Variants in SIT1 observed in about 807,000 individuals in gnomAD.
SIT1 encodes the protein signaling threshold regulating transmembrane adaptor 1.
A neutral mutation model predicts 23.5 loss-of-function variants in SIT1; 19 were observed. The observed-to-expected ratio is 0.81, with a 90% CI of 0.56 to 1.19. The LOEUF is 1.19. SIT1 is among the 50% of genes most tolerant of loss of function. The probability of loss-of-function intolerance (pLI) is 0.00; values close to 1 mark genes in which losing one functional copy is unlikely to be tolerated. For missense variants in SIT1, 213 were observed against 254.9 expected, an observed-to-expected ratio of 0.84 and a Z score of 1.12; for synonymous variants, 114 against 109.1, an observed-to-expected ratio of 1.04 and a Z score of -0.28.
Position 35,650,795 on chromosome 9 carries a change from G to C in SIT1, c.59C>G (p.Ala20Gly). 1 of 1,613,730 alleles carries C rather than the reference G, an allele frequency of 6.2e-7. No homozygotes were observed. Among genetic ancestry groups the C allele is most frequent in the Non-Finnish European group, 8.5e-7 (1 of 1,179,860 alleles). ...CGTGCAGTTGTCGCCTCTGCTCATG[G>C]CTGCAGATGTGAGAGTCCACAAGCA... ...AVCLWTLTSA[A>G]MSRGDNCTDL... The change falls in exon 1 of 5, where the codon GCC (alanine) becomes GGC (glycine). Residue 20 changes from alanine to glycine, a missense_variant. Transcript: ENST00000259608. This position sits in a 1 kb window ranked among gnomAD's most constrained non-coding sequence, Gnocchi z 4.8.
rs984029400 is a variant in SIT1, at chr9:35,650,659, G to A, written c.101-22C>T. On this transcript the variant is annotated intron_variant, in intron 1 of 4. Coordinates refer to ENST00000259608, the MANE Select transcript of SIT1 (RefSeq NM_014450.3). This position sits in a 1 kb window ranked among gnomAD's most constrained non-coding sequence, Gnocchi z 4.8. ...ATTCCTGTGGATGTGAAAGGAAGGG[G>A]GGTGTAACAGCCCCGCCCCACCCCC... 2 of 1,612,916 alleles carry A rather than the reference G, an allele frequency of 1.2e-6. No individual in the cohort carries two copies. Among genetic ancestry groups the A allele is most frequent in the Non-Finnish European group, 1.7e-6 (2 of 1,179,626 alleles).
rs565965478 is a variant in SIT1, at chr9:35,650,154, C to T, written c.357+30G>A. On this transcript the variant is annotated intron_variant, in intron 4 of 4. Transcript: ENST00000259608. The surrounding 1 kb of genome is among the most constrained non-coding windows in gnomAD (Gnocchi z 4.8). ...CGAAAAGCCCCCCACTTCCTTCCCT[C>T]CCCCTTTTCTCCAGCCACAGTTGAC... 1.2e-6 allele frequency: 2 copies of T among 1,613,400 alleles called. No homozygotes were observed. Among genetic ancestry groups the T allele is most frequent in the South Asian group, 1.1e-5 (1 of 91,062 alleles).
Position 35,650,715 on chromosome 9 carries a change from T to A in SIT1, c.100+39A>T. The stretch of plus-strand genomic sequence containing the variant: ...CCAGCAGGTGGGACCTGGGGCCACA[T>A]GACCCCTCCCCCACCAGCCCCTGCC... On this transcript the variant is annotated intron_variant, in intron 1 of 4. Coordinates refer to ENST00000259608, the MANE Select transcript of SIT1 (RefSeq NM_014450.3). This position sits in a 1 kb window ranked among gnomAD's most constrained non-coding sequence, Gnocchi z 4.8. 1 of 1,608,788 alleles carries A rather than the reference T, an allele frequency of 6.2e-7. No individual in the cohort carries two copies. Among genetic ancestry groups the A allele is most frequent in the Non-Finnish European group, 8.5e-7 (1 of 1,176,424 alleles).
At position 35,650,458 on chromosome 9, in the gene SIT1, A is replaced by G; in HGVS notation, c.237-43T>C. The G allele has an allele frequency of 6.2e-7, 1 of 1,613,942 alleles. No homozygotes were observed. The highest frequency in any genetic ancestry group is 2.2e-5 in the East Asian group (1 of 44,878). ...GGGGATGAGTGGGGACTTCTCGGTA[A>G]GAGAGAACTCTCAGTCAACCCATCC... On this transcript the variant is annotated intron_variant, in intron 2 of 4. Coordinates refer to ENST00000259608, the MANE Select transcript of SIT1 (RefSeq NM_014450.3). This position sits in a 1 kb window ranked among gnomAD's most constrained non-coding sequence, Gnocchi z 4.8.
At position 35,650,738 on chromosome 9, in the gene SIT1, G is replaced by A; in HGVS notation, c.100+16C>T. On this transcript the variant is annotated intron_variant, in intron 1 of 4. Transcript: ENST00000259608. The surrounding 1 kb of genome is among the most constrained non-coding windows in gnomAD (Gnocchi z 4.8). Reference sequence around the variant, plus strand: ...CATGACCCCTCCCCCACCAGCCCCTGCCCTGCCCAGCTCACCCAGTGCGAG... The same window carrying A: ...CATGACCCCTCCCCCACCAGCCCCTACCCTGCCCAGCTCACCCAGTGCGAG... The A allele has an allele frequency of 1.9e-6, 3 of 1,612,254 alleles. No homozygotes were observed. Among genetic ancestry groups the A allele is most frequent in the Non-Finnish European group, 2.5e-6 (3 of 1,179,082 alleles).
At position 35,649,904 on chromosome 9, in the gene SIT1, C is replaced by T; in HGVS notation, c.535G>A (p.Ala179Thr). Residue 179 changes from alanine (A) to threonine (T), a missense_variant, in exon 5 of 5, where the codon GCC becomes ACC. Transcript: ENST00000259608. ...GCCTGATCCGGGAAGGAGGCCCGGG[C>T]CCTGCGGGTCTGGGCACATACTGAG... Reference protein sequence around the residue: ...YASVCAQTRRARASFPDQAYA... With the variant: ...YASVCAQTRRTRASFPDQAYA... 1 of 1,584,708 alleles carries T rather than the reference C, an allele frequency of 6.3e-7. No individual in the cohort carries two copies. Among genetic ancestry groups the T allele is most frequent in the Admixed American group, 1.8e-5 (1 of 54,700 alleles).
In SIT1 at chr9:35,649,817, G is replaced by A; in HGVS notation, c.*31C>T. 5.5e-6 allele frequency: 8 copies of A among 1,444,410 alleles called. No individual in the cohort carries two copies. Among genetic ancestry groups the A allele is most frequent in the Non-Finnish European group, 7.4e-6 (8 of 1,076,808 alleles). 89.5% of individuals were successfully genotyped at this position (1,444,410 alleles called of 1,614,324 possible). A position where few individuals can be genotyped will look rare whatever the true frequency, so the allele number is the denominator to read the frequency against. On this transcript the variant is annotated 3_prime_UTR_variant, in exon 5 of 5. Transcript: ENST00000259608. Reference sequence around the variant, plus strand: ...GCCCCTGCTACGGGGGGCTGGGGCAGTGCACGCCCCGCTGTGCCAGGCCCT... The same window carrying A: ...GCCCCTGCTACGGGGGGCTGGGGCAATGCACGCCCCGCTGTGCCAGGCCCT...
chr9:35,650,138 C>G lies in SIT1; in HGVS notation c.357+46G>C. On this transcript the variant is annotated intron_variant, in intron 4 of 4. Coordinates refer to ENST00000259608, the MANE Select transcript of SIT1 (RefSeq NM_014450.3). This position sits in a 1 kb window ranked among gnomAD's most constrained non-coding sequence, Gnocchi z 4.8. Reference sequence around the variant, plus strand: ...GACCCTCGGAAAAGCCCGAAAAGCCCCCCACTTCCTTCCCTCCCCCTTTTC... The same window carrying G: ...GACCCTCGGAAAAGCCCGAAAAGCCGCCCACTTCCTTCCCTCCCCCTTTTC... 6.2e-7 allele frequency: 1 copy of G among 1,611,342 alleles called. No homozygotes were observed. Among genetic ancestry groups the G allele is most frequent in the Non-Finnish European group, 8.5e-7 (1 of 1,177,678 alleles).
rs1271209591 is a variant in SIT1 at position 35,649,985 on chromosome 9, C to T, written c.454G>A (p.Val152Met). The change falls in exon 5 of 5, where the codon GTG becomes ATG. Residue 152 changes from valine to methionine, a missense_variant. By Grantham distance (21) the Val-to-Met change is conservative (BLOSUM62 1). Transcript: ENST00000259608. ...PGTPVKYSEV[V>M]LDSEPKSQAS... ...TGGGACTTTGGCTCAGAGTCCAGCA[C>T]CACCTCCGAGTACTTGACGGGGGTT... The T allele has an allele frequency of 1.9e-6, 3 of 1,584,340 alleles. No homozygotes were observed. Among genetic ancestry groups the T allele is most frequent in the Non-Finnish European group, 2.6e-6 (3 of 1,164,734 alleles).
chr9:35,650,155 C>T lies in SIT1; in HGVS notation c.357+29G>A. The T allele has an allele frequency of 6.2e-7, 1 of 1,613,578 alleles. No homozygotes were observed. Among genetic ancestry groups the T allele is most frequent in the South Asian group, 1.1e-5 (1 of 91,076 alleles). On this transcript the variant is annotated intron_variant, in intron 4 of 4. Transcript: ENST00000259608. The surrounding 1 kb of genome is among the most constrained non-coding windows in gnomAD (Gnocchi z 4.8). ...GAAAAGCCCCCCACTTCCTTCCCTC[C>T]CCCTTTTCTCCAGCCACAGTTGACT...
In SIT1 at chr9:35,650,243, G is replaced by T; in HGVS notation, c.298C>A (p.Arg100=). 6.2e-7 allele frequency: 1 copy of T among 1,613,398 alleles called. No homozygotes were observed. Among genetic ancestry groups the T allele is most frequent in the Non-Finnish European group, 8.5e-7 (1 of 1,179,604 alleles). The change falls in exon 4 of 5, where the codon CGG becomes AGG. Residue 100 remains arginine (R), a splice_region_variant and synonymous_variant. Transcript: ENST00000259608. This position sits in a 1 kb window ranked among gnomAD's most constrained non-coding sequence, Gnocchi z 4.8. ...YGNLHYLQTG[R]LSQDPEPDQQ... is the part of the protein sequence containing the mutation. ...TCTGGCTCTGGGTCTTGAGACAGCC[G>T]TCCTGGGACGGGGAACAGGAATCTG... is the stretch of plus-strand genomic sequence containing the variant.
In SIT1 at chr9:35,649,397, G is replaced by C. The variant is rs1587912873; in HGVS notation, c.*451C>G. 1 of 158,314 alleles carries C rather than the reference G, an allele frequency of 6.3e-6. No homozygotes were observed. The highest frequency in any genetic ancestry group is 1.8e-4 in the East Asian group (1 of 5,406). The allele number at this position is 158,314 out of a possible 1,614,324, so 9.8% of individuals were successfully genotyped here. A position where few individuals can be genotyped will look rare whatever the true frequency, so the allele number is the denominator to read the frequency against. ...GGTTCTTAGGTCAAAAGCCAGGCTC[G>C]GGTCCCTCCCGTCTCTAAGTTCCAG... On this transcript the variant is annotated 3_prime_UTR_variant, in exon 5 of 5. Transcript: ENST00000259608.
chr9:35,649,721 G>A lies in SIT1; in HGVS notation c.*127C>T, dbSNP rs1563903009. ...GTCTCCCTTGAAGCTCAGATAGGAA[G>A]TCCGGGGTAGATCACATCCTGTGAC... On this transcript the variant is annotated 3_prime_UTR_variant, in exon 5 of 5. Coordinates refer to ENST00000259608, the MANE Select transcript of SIT1 (RefSeq NM_014450.3). 7.3e-6 allele frequency: 5 copies of A among 680,444 alleles called. No individual in the cohort carries two copies. The highest frequency in any genetic ancestry group is 2.8e-5 in the East Asian group (1 of 35,510). 42.2% of individuals were successfully genotyped at this position (680,444 alleles called of 1,614,324 possible).
Position 35,650,770 on chromosome 9 carries a change from C to T in SIT1, c.84G>A (p.Thr28=), listed in dbSNP as rs565579415. 14 of 1,613,568 alleles carry T rather than the reference C, an allele frequency of 8.7e-6. No individual in the cohort carries two copies. The highest frequency in any genetic ancestry group is 1.3e-5 in the African/African-American group (1 of 74,896). Residue 28 remains threonine (T), a synonymous_variant, in exon 1 of 5, where the codon ACG becomes ACA. Transcript: ENST00000259608. The surrounding 1 kb of genome is among the most constrained non-coding windows in gnomAD (Gnocchi z 4.8). ...SAAMSRGDNC[T]DLLALGIPSI... is the part of the protein sequence containing the mutation. ...CCAGCTCACCCAGTGCGAGTAGATC[C>T]GTGCAGTTGTCGCCTCTGCTCATGG...
chr9:35,650,008 G>A lies in SIT1; in HGVS notation c.431C>T (p.Thr144Ile). 6 of 1,585,928 alleles carry A rather than the reference G, an allele frequency of 3.8e-6. No homozygotes were observed. The highest frequency in any genetic ancestry group is 5.1e-6 in the Non-Finnish European group (6 of 1,165,358). Residue 144 changes from threonine (T) to isoleucine (I), a missense_variant, in exon 5 of 5, where the codon ACC becomes ATC. Coordinates refer to ENST00000259608, the MANE Select transcript of SIT1 (RefSeq NM_014450.3). The surrounding 1 kb of genome is among the most constrained non-coding windows in gnomAD (Gnocchi z 4.8). The part of the protein sequence containing the change: ...PPQGRIPGPG[T>I]PVKYSEVVLD... ...CACCACCTCCGAGTACTTGACGGGG[G>A]TTCCAGGACCGGGGATCCGACCCTG... is the stretch of plus-strand genomic sequence containing the variant.
Position 35,650,080 on chromosome 9 carries a change from G to T in SIT1, c.359C>A (p.Ala120Asp), listed in dbSNP as rs1823448193. 1.2e-6 allele frequency: 2 copies of T among 1,608,356 alleles called. No individual in the cohort carries two copies. The highest frequency in any genetic ancestry group is 3.4e-5 in the Admixed American group (2 of 59,264). ...GGTATAGCACATCACCTCCTCTGCA[G>T]CCTGGAGATGCAAGGCTGTTAGAAG... Reference protein sequence around the residue: ...QDPTLGGPARAAEEVMCYTSL... With the variant: ...QDPTLGGPARDAEEVMCYTSL... Residue 120 changes from alanine to aspartate, a missense_variant and splice_region_variant, in exon 5 of 5, where the codon GCT becomes GAT. Ala to Asp is a moderately radical substitution (Grantham distance 126, BLOSUM62 -2). Coordinates refer to ENST00000259608, the MANE Select transcript of SIT1 (RefSeq NM_014450.3). This position sits in a 1 kb window ranked among gnomAD's most constrained non-coding sequence, Gnocchi z 4.8.
rs1234420960 is a variant in SIT1 at position 35,650,662 on chromosome 9, T to G, written c.101-25A>C. On this transcript the variant is annotated intron_variant, in intron 1 of 4. Coordinates refer to ENST00000259608, the MANE Select transcript of SIT1 (RefSeq NM_014450.3). This position sits in a 1 kb window ranked among gnomAD's most constrained non-coding sequence, Gnocchi z 4.8. Reference sequence around the variant, plus strand: ...CCTGTGGATGTGAAAGGAAGGGGGGTGTAACAGCCCCGCCCCACCCCCAGG... The same window carrying G: ...CCTGTGGATGTGAAAGGAAGGGGGGGGTAACAGCCCCGCCCCACCCCCAGG... The G allele has an allele frequency of 6.2e-7, 1 of 1,610,960 alleles. No homozygotes were observed.
At position 35,650,677 on chromosome 9, in the gene SIT1, C is replaced by T. The variant is rs1199919315; in HGVS notation, c.101-40G>A. The T allele has an allele frequency of 1.9e-6, 3 of 1,612,312 alleles. No individual in the cohort carries two copies. The highest frequency in any genetic ancestry group is 2.2e-5 in the South Asian group (2 of 91,060). ...GGAAGGGGGGTGTAACAGCCCCGCC[C>T]CACCCCCAGGGCCCAGCAGGTGGGA... On this transcript the variant is annotated intron_variant, in intron 1 of 4. Transcript: ENST00000259608. The surrounding 1 kb of genome is among the most constrained non-coding windows in gnomAD (Gnocchi z 4.8).
At position 35,649,896 on chromosome 9, in the gene SIT1, G is replaced by T; in HGVS notation, c.543C>A (p.Ala181=). 1.3e-6 allele frequency: 2 copies of T among 1,584,024 alleles called. No homozygotes were observed. Among genetic ancestry groups the T allele is most frequent in the Non-Finnish European group, 1.7e-6 (2 of 1,165,712 alleles). ...TGGCATAGGCCTGATCCGGGAAGGA[G>T]GCCCGGGCCCTGCGGGTCTGGGCAC... ...SVCAQTRRAR[A]SFPDQAYANS... The change falls in exon 5 of 5, where the codon GCC becomes GCA. Residue 181 remains alanine (A), a synonymous_variant. Transcript: ENST00000259608.
Sources: allele counts gnomAD v4.1 joint callset, GRCh38; gene constraint gnomAD v4.1.1; non-coding constraint Gnocchi (gnomAD v3.1); transcripts MANE v1.5; gene names NCBI Gene and HGNC (gene_info 2026-07-23, HGNC 2026-07-21).